DCC: variants seen among roughly 807,000 people sequenced by gnomAD.
The protein encoded by DCC is netrin receptor DCC.
DCC carries 58 observed loss-of-function variants against 172.5 expected under a neutral mutation model. The ratio of observed to expected loss-of-function variants is 0.34; its 90% CI spans 0.27 to 0.42. The LOEUF is 0.42. Among genes scored for constraint, DCC ranks in the 10% least tolerant of loss-of-function variants. The pLI, the probability that DCC is intolerant of heterozygous loss-of-function variation, is 1.00. For synonymous variants in DCC, 709 were observed against 644.5 expected, an observed-to-expected ratio of 1.10 and a Z score of -1.52; for missense variants, 1,740 against 1,791.0, an observed-to-expected ratio of 0.97 and a Z score of 0.51.
chr18:52,546,659 TATCATC>T (rs3086379), intron 1 of DCC, among the ~76,000 whole-genome samples: 2,838 of 150,292 alleles, frequency 0.019, 91 homozygotes, highest in African/African-American at 0.066. Context: ...TCAATAATAA[TATCATC>T]ATCATCATCA....
At chr18:52,842,272 G>A (rs2038819693) in intron 2 of DCC, among the ~76,000 whole-genome samples, 1 of 152,116 alleles carries the variant, frequency 6.6e-6, no homozygotes, top group Admixed American at 6.6e-5. Flanking sequence ...AGCAGAGACA[G>A]AGCTTTACTA....
At chr18:53,457,229 CA>C (rs1177197854) in intron 23 of DCC, among the ~76,000 whole-genome samples, 2 of 152,122 alleles carry the variant, frequency 1.3e-5, no homozygotes, top group East Asian at 3.9e-4. Flanking sequence ...TCACAACATA[CA>C]AAAAGGTTCT....
At chr18:53,390,351 A>T (rs911666691) in intron 16 of DCC, among the ~76,000 whole-genome samples, 1 of 152,170 alleles carries the variant, frequency 6.6e-6, no homozygotes, top group Non-Finnish European at 1.5e-5. Flanking sequence ...ATTGGAAAAC[A>T]GAGTGATGAA....
intron 24 of DCC, among the ~76,000 whole-genome samples, chr18:53,464,979 C>CAAAAAAAAAAAAAAAAA (rs71179510): frequency 1.8e-5 from 1 of 54,840 alleles, no homozygotes; most frequent in Admixed American, 2.3e-4. Context: ...AACTCAATCT[C>CAAAAAAAAAAAAAAAAA]AAAAAAAAAA....
In DCC at chr18:52,977,289, C is replaced by T. The variant is rs186098615; in HGVS notation, c.985+51919C>T. ...AACAGTGGTCTTCAGTCCTAGCTAT[C>T]CATTAGAATTACCTGGGGAGCTCTA... is the stretch of plus-strand genomic sequence containing the variant. On this transcript the variant is annotated intron_variant, in intron 5 of 28. Transcript: ENST00000442544. 4.6e-5 allele frequency among the ~76,000 whole-genome samples: 7 copies of T among 152,254 alleles called. No individual in the cohort carries two copies. The East Asian group carries it at 7.7e-4, about 17-fold the overall frequency.
At chr18:53,332,015 C>T (rs182928331) in intron 14 of DCC, among the ~76,000 whole-genome samples, 54 of 152,290 alleles carry the variant, frequency 3.5e-4, no homozygotes, top group Non-Finnish European at 2.8e-4. Context: ...ATTATTTTAG[C>T]ATCTACGTTT....
chr18:53,297,899 T>G (rs529867507), intron 12 of DCC, among the ~76,000 whole-genome samples: 1 of 152,248 alleles, frequency 6.6e-6, no homozygotes, highest in East Asian at 1.9e-4. Context: ...CTAATAAACT[T>G]AGCTGCTACC....
At chr18:52,930,017 G>T (rs1347971976) in intron 5 of DCC, among the ~76,000 whole-genome samples, 1 of 152,000 alleles carries the variant, frequency 6.6e-6, no homozygotes, top group Non-Finnish European at 1.5e-5. Flanking sequence ...ACAGGGTCTT[G>T]CTCTGTTGTG....
chr18:53,517,438 T>TAA (rs1411587299), intron 27 of DCC, among the ~76,000 whole-genome samples: 1 of 124,574 alleles, frequency 8.0e-6, no homozygotes, highest in East Asian at 2.1e-4. Context: ...CCCTAAAACT[T>TAA]AAAATATAAT....
intron 1 of DCC, among the ~76,000 whole-genome samples, chr18:52,479,333 A>G (rs1004883176): frequency 1.3e-5 from 2 of 152,176 alleles, no homozygotes; most frequent in South Asian, 2.1e-4. Context: ...ACCACCAAAG[A>G]CACATTTCAC....
chr18:52,603,101 A>G (rs1453689251), intron 1 of DCC, among the ~76,000 whole-genome samples: 1 of 152,092 alleles, frequency 6.6e-6, no homozygotes, highest in Non-Finnish European at 1.5e-5. Context: ...CCTGAGAAGC[A>G]CCTTTATAGT....
chr18:53,416,268 C>G, intron 21 of DCC, 112 bp downstream of exon 21: 1 of 794,378 alleles, frequency 1.3e-6, no homozygotes, highest in South Asian at 1.4e-5. Context: ...CCTGATGAAG[C>G]AGACACTGGC....
intron 28 of DCC, among the ~76,000 whole-genome samples, chr18:53,529,028 TCTCTCTCTCTCACA>T (rs1328929313): frequency 4.3e-4 from 28 of 65,458 alleles, no homozygotes; most frequent in African/African-American, 1.8e-3. Flanking sequence ...TCTCTCTCTC[TCTCTCTCTCTCACA>T]CACACACACA....
chr18:52,457,142 TAAA>T (rs1174264781), intron 1 of DCC, among the ~76,000 whole-genome samples: 2 of 152,158 alleles, frequency 1.3e-5, no homozygotes, highest in Non-Finnish European at 2.9e-5. Context: ...ACTGTGCTTT[TAAA>T]AAATTCATCA....
At chr18:53,163,166 T>G (rs1365598114) in intron 8 of DCC, among the ~76,000 whole-genome samples, 1 of 152,216 alleles carries the variant, frequency 6.6e-6, no homozygotes, top group Non-Finnish European at 1.5e-5. Context: ...TATTCATAAT[T>G]TCATGCTCAA....
intron 24 of DCC, among the ~76,000 whole-genome samples, chr18:53,463,334 AC>A (rs2045582175): frequency 6.6e-6 from 1 of 152,198 alleles, no homozygotes; most frequent in Non-Finnish European, 1.5e-5. Context: ...ATAAAAGAGT[AC>A]TTATGCCTAC....
At chr18:53,271,518 C>A (rs1045429953) in intron 12 of DCC, among the ~76,000 whole-genome samples, 1 of 152,142 alleles carries the variant, frequency 6.6e-6, no homozygotes, top group East Asian at 1.9e-4. Context: ...TGCTTCAAAG[C>A]TCATACATTT....
chr18:52,838,873 T>C (rs946139193), intron 2 of DCC, among the ~76,000 whole-genome samples: 2 of 152,202 alleles, frequency 1.3e-5, no homozygotes. Context: ...AGTTAGAATT[T>C]GAAGAGGATC....
At chr18:52,419,226 A>G (rs1477280237) in intron 1 of DCC, 1 of 152,068 alleles carries the variant, frequency 6.6e-6, no homozygotes, top group Non-Finnish European at 1.5e-5. Context: ...GCTATTTACC[A>G]TCATGTTCAG....
Sources: allele counts gnomAD v4.1 joint callset (sites outside exome capture counted in the v4.1 genomes callset), GRCh38; gene constraint gnomAD v4.1.1; transcripts MANE v1.5; gene names NCBI Gene and HGNC (gene_info 2026-07-23, HGNC 2026-07-21).